The following LETM2 variants were observed in gnomAD, a reference collection of about 807,000 sequenced individuals.
The protein encoded by LETM2 is leucine zipper and EF-hand containing transmembrane protein 2, also known as LETM1 domain-containing protein LETM2, mitochondrial.
A neutral mutation model predicts 59.6 loss-of-function variants in LETM2; 58 were observed. The ratio of observed to expected loss-of-function variants is 0.97; its 90% confidence interval spans 0.79 to 1.21. LETM2 has a LOEUF of 1.21. Ranked by LOEUF, LETM2 falls within the 50% of genes most tolerant of loss-of-function variation. LETM2 has a pLI of 0.00. For missense variants in LETM2, 572 were observed against 575.7 expected (o/e 0.99, Z 0.07); for synonymous variants, 199 against 214.1 (o/e 0.93, Z 0.62).
At chr8:38,396,156 TTTTA>T (rs1295808110) in intron 4 of LETM2, among the ~76,000 whole-genome samples, 15 of 151,674 alleles carry the variant, frequency 9.9e-5, no homozygotes, top group Non-Finnish European at 2.1e-4. Context: ...CATTTTATTT[TTTTA>T]TTTATTTATT....
intron 2 of LETM2, among the ~76,000 whole-genome samples, chr8:38,392,277 T>C (rs12681483): frequency 0.21 from 32,523 of 151,880 alleles, 3,738 homozygotes; most frequent in East Asian, 0.31. Flanking sequence ...ATACAAAAAT[T>C]AGCTGGGCAT....
chr8:38,392,632 A>G lies in LETM2; in HGVS notation c.138A>G (p.Thr46=). ...TGCCAGATTCCCATTTAAATAAGAC[A>G]TGTATGAAGAACTATGAGAGCAAGA... ...LHLPDSHLNK[T]CMKNYESKKY... is the part of the protein sequence containing the mutation. The change falls in exon 3 of 11, where the codon ACA becomes ACG. Residue 46 remains threonine (T), a synonymous_variant. Coordinates refer to ENST00000379957, the MANE Select transcript of LETM2 (RefSeq NM_001286819.2). The G allele has an allele frequency of 1.2e-6, 2 of 1,613,950 alleles. No individual in the cohort carries two copies. Among genetic ancestry groups the G allele is most frequent in the Non-Finnish European group, 1.7e-6 (2 of 1,179,844 alleles).
At chr8:38,402,457 G>T (rs774270747) in intron 6 of LETM2, 68 bp from the exon 7 acceptor site, 1 of 1,561,852 alleles carries the variant, frequency 6.4e-7, no homozygotes, top group Non-Finnish European at 8.8e-7. Flanking sequence ...CCACTGATTT[G>T]CTGGAATTTA....
chr8:38,383,957 A>G (rs1416588179), upstream of LETM2, among the ~76,000 whole-genome samples: 1 of 151,920 alleles, frequency 6.6e-6, no homozygotes, highest in Non-Finnish European at 1.5e-5. Context: ...TCTCATTACT[A>G]TTAATCATTA....
intron 1 of LETM2, 113 bp from the exon 2 acceptor site, chr8:38,387,837 C>A: frequency 1.7e-6 from 1 of 583,456 alleles, no homozygotes; most frequent in Non-Finnish European, 3.0e-6. Flanking sequence ...GGTTTTGTAC[C>A]TTAACTATGC....
At chr8:38,404,732 C>T in intron 8 of LETM2, 1 of 460,710 alleles carries the variant, frequency 2.2e-6, no homozygotes, top group Non-Finnish European at 3.9e-6. Context: ...GTAATCCCAG[C>T]ACTTTGGGAG....
intron 8 of LETM2, chr8:38,406,590 TGA>T (rs1813741585): frequency 1.1e-5 from 2 of 174,160 alleles, no homozygotes; most frequent in Non-Finnish European, 2.5e-5. Context: ...GGTGACAGAG[TGA>T]GACTCCATCT....
chr8:38,400,681 A>G, intron 5 of LETM2, 172 bp from the exon 6 acceptor site: 1 of 689,714 alleles, frequency 1.4e-6, no homozygotes, highest in Non-Finnish European at 2.4e-6. Context: ...CTGATTTTTC[A>G]GCTGATGTAG....
At chr8:38,400,167 A>G (rs375505273) in intron 4 of LETM2, 105 bp from the exon 5 acceptor site, 3 of 844,334 alleles carry the variant, frequency 3.6e-6, no homozygotes, top group East Asian at 5.2e-5. Context: ...TTATTACATG[A>G]TGTAGGGATG....
At chr8:38,385,324 T>C (rs1811729181), upstream of LETM2, among the ~76,000 whole-genome samples, 1 of 152,198 alleles carries the variant, frequency 6.6e-6, no homozygotes, top group African/African-American at 2.4e-5. Flanking sequence ...TCAGCTCACA[T>C]GTCAGGAGAC....
At chr8:38,400,434 A>C in intron 5 of LETM2, 25 bp downstream of exon 5, 1 of 1,544,084 alleles carries the variant, frequency 6.5e-7, no homozygotes, top group East Asian at 2.3e-5. Context: ...TGTAATGCCG[A>C]ACAACTTCGG....
Position 38,400,425 on chromosome 8 carries a change from G to A in LETM2, c.783+16G>A, listed in dbSNP as rs1813097391. Reference sequence around the variant, plus strand: ...CGTGAAGCAGGTGTCCATCTTTTATGTAATGCCGAACAACTTCGGGGCTGG... The same window carrying A: ...CGTGAAGCAGGTGTCCATCTTTTATATAATGCCGAACAACTTCGGGGCTGG... On this transcript the variant is annotated intron_variant, in intron 5 of 10. Coordinates refer to ENST00000379957, the MANE Select transcript of LETM2 (RefSeq NM_001286819.2). The A allele has an allele frequency of 6.4e-7, 1 of 1,551,682 alleles. No individual in the cohort carries two copies. Among genetic ancestry groups the A allele is most frequent in the African/African-American group, 1.4e-5 (1 of 72,372 alleles).
chr8:38,398,129 G>C (rs1368652707), intron 4 of LETM2, among the ~76,000 whole-genome samples: 1 of 142,556 alleles, frequency 7.0e-6, no homozygotes, highest in Non-Finnish European at 1.5e-5. Context: ...GACAGAGTGA[G>C]ATTTTTGTCT....
intron 4 of LETM2, among the ~76,000 whole-genome samples, chr8:38,399,714 G>T (rs1393403095): frequency 1.3e-5 from 2 of 150,766 alleles, no homozygotes; most frequent in Non-Finnish European, 2.9e-5. Context: ...GGAGAGAGAG[G>T]TTGCAGTGAG....
At chr8:38,390,179 G>T (rs1439745957) in intron 2 of LETM2, among the ~76,000 whole-genome samples, 1 of 151,828 alleles carries the variant, frequency 6.6e-6, no homozygotes, top group East Asian at 1.9e-4. Flanking sequence ...CTCCAGCCTC[G>T]GTTTTTAACA....
chr8:38,405,692 T>G (rs568464586), intron 8 of LETM2, among the ~76,000 whole-genome samples: 1 of 152,332 alleles, frequency 6.6e-6, no homozygotes, highest in African/African-American at 2.4e-5. Context: ...AGTGGGTTCT[T>G]ATTCTATCCA....
At chr8:38,386,894 G>T (rs1811814266) in intron 1 of LETM2, 1 of 152,468 alleles carries the variant, frequency 6.6e-6, no homozygotes, top group African/African-American at 2.4e-5. Context: ...CGTCGTTCCC[G>T]TGCCTGTCCC....
intron 4 of LETM2, among the ~76,000 whole-genome samples, chr8:38,399,900 C>T (rs1426830123): frequency 2.6e-5 from 4 of 151,522 alleles, no homozygotes; most frequent in Non-Finnish European, 4.4e-5. Flanking sequence ...GAGCCGAGAT[C>T]GTGCCACTGC....
chr8:38,404,666 C>G lies in LETM2; in HGVS notation c.1218+160C>G, dbSNP rs545234633. 5.6e-4 allele frequency: 329 copies of G among 588,858 alleles called. 4 individuals are homozygous for G. The South Asian group carries it at 6.0e-3, about 11-fold the overall frequency. The allele number at this position is 588,858 out of a possible 1,614,324, so 36.5% of individuals were successfully genotyped here. A position where few individuals can be genotyped will look rare whatever the true frequency, so the allele number is the denominator to read the frequency against. On this transcript the variant is annotated intron_variant, in intron 8 of 10. Coordinates refer to ENST00000379957, the MANE Select transcript of LETM2 (RefSeq NM_001286819.2). ...TTTTAAAAATTTCTAAAAAAACCAACCAACCAACCACAAACAAACAAAACA... is the reference window on the plus strand; with the variant it reads ...TTTTAAAAATTTCTAAAAAAACCAAGCAACCAACCACAAACAAACAAAACA...
Sources: allele counts gnomAD v4.1 joint callset (sites outside exome capture counted in the v4.1 genomes callset), GRCh38; gene constraint gnomAD v4.1.1; transcripts MANE v1.5; gene names NCBI Gene and HGNC (gene_info 2026-07-23, HGNC 2026-07-21).